Variants in DAB1 observed in about 807,000 individuals in gnomAD.
The protein encoded by DAB1 is DAB adaptor protein 1.
Under a neutral mutation model 64.6 loss-of-function variants are expected in DAB1, and 15 were observed. That is an observed-to-expected ratio of 0.23 (90% confidence interval 0.16 to 0.36). The LOEUF is 0.36. Among genes scored for constraint, DAB1 ranks in the 10% least tolerant of loss-of-function variants. DAB1 has a pLI of 1.00. For synonymous variants in DAB1, 235 were observed against 251.9 expected, an observed-to-expected ratio of 0.93 and a Z score of 0.64; for missense variants, 596 against 706.7, an observed-to-expected ratio of 0.84 and a Z score of 1.78.
intron 3 of DAB1, among the ~76,000 whole-genome samples, chr1:58,457,496 C>T (rs765407022): frequency 1.3e-5 from 2 of 152,214 alleles, no homozygotes; most frequent in Non-Finnish European, 2.9e-5. Flanking sequence ...ACTTACACAG[C>T]TCATGTTGTA....
intron 4 of DAB1, among the ~76,000 whole-genome samples, chr1:58,243,411 C>G (rs1469012890): frequency 1.3e-5 from 2 of 152,068 alleles, no homozygotes; most frequent in African/African-American, 4.8e-5. Context: ...TGATTTAAGT[C>G]CGCCTGCCCC....
chr1:57,282,798 G>A (rs1389442616), intron 2 of DAB1, among the ~76,000 whole-genome samples: 1 of 152,106 alleles, frequency 6.6e-6, no homozygotes, highest in African/African-American at 2.4e-5. Context: ...TAAATCCTTG[G>A]TTTTGAATTT....
intron 7 of DAB1, among the ~76,000 whole-genome samples, chr1:57,573,665 G>A (rs77920405): frequency 0.014 from 2,089 of 152,246 alleles, 26 homozygotes; most frequent in Non-Finnish European, 0.021. Context: ...GCAATGAAGG[G>A]CCCTAGTAAC....
chr1:57,631,739 G>A (rs892903703), intron 7 of DAB1, among the ~76,000 whole-genome samples: 5 of 152,150 alleles, frequency 3.3e-5, no homozygotes, highest in Admixed American at 1.3e-4. Context: ...TTACCTTGCC[G>A]CAGCACTGCA....
chr1:57,684,935 C>T (rs759651738), intron 6 of DAB1, among the ~76,000 whole-genome samples: 5 of 147,484 alleles, frequency 3.4e-5, no homozygotes, highest in Non-Finnish European at 7.4e-5. Context: ...AAAAAAACAG[C>T]AGGAGTTGCT....
chr1:57,071,030 A>C lies in DAB1; in HGVS notation c.590T>G (p.Val197Gly), dbSNP rs1371102631. The C allele has an allele frequency of 6.2e-7, 1 of 1,613,112 alleles. No individual in the cohort carries two copies. Among genetic ancestry groups the C allele is most frequent in the African/African-American group, 1.3e-5 (1 of 75,022 alleles). ...TILEEDVEDP[V>G]YQYIVFEAGH... ...ACTAGTTTCAGAAATTACCTGGTAC[A>C]CAGGATCTTCAACATCCTCTTCCAA... The change falls in exon 7 of 15, where the codon GTG becomes GGG. Residue 197 changes from valine (V) to glycine (G), a missense_variant. Physicochemically the swap from Val to Gly is moderately radical, Grantham distance 109. This residue lies in a region of DAB1 where 176 missense variants were observed against 266.7 expected (regional missense o/e 0.66). Transcript: ENST00000371236.
At chr1:57,975,449 C>T (rs1645896656) in intron 5 of DAB1, among the ~76,000 whole-genome samples, 2 of 152,132 alleles carry the variant, frequency 1.3e-5, no homozygotes, top group Admixed American at 6.5e-5. Context: ...CCAATTGAAG[C>T]AGGCAAAACA....
At chr1:58,401,438 A>C (rs1644567618) in intron 3 of DAB1, among the ~76,000 whole-genome samples, 1 of 151,684 alleles carries the variant, frequency 6.6e-6, no homozygotes, top group South Asian at 2.1e-4. Flanking sequence ...CCCACCCATC[A>C]CCTTCCTCAA....
chr1:57,819,573 G>A (rs1208857489), intron 6 of DAB1, among the ~76,000 whole-genome samples: 1 of 152,212 alleles, frequency 6.6e-6, no homozygotes, highest in African/African-American at 2.4e-5. Flanking sequence ...CAAGTTAAGA[G>A]AGAGCTTTCT....
chr1:57,185,760 TG>T (rs1028763997), intron 2 of DAB1, among the ~76,000 whole-genome samples: 26 of 152,268 alleles, frequency 1.7e-4, no homozygotes, highest in African/African-American at 6.0e-4. Context: ...TTTTTGTTTT[TG>T]GTCTTTTTTT....
At chr1:57,620,757 T>A (rs1645847329) in intron 7 of DAB1, among the ~76,000 whole-genome samples, 1 of 151,808 alleles carries the variant, frequency 6.6e-6, no homozygotes, top group Admixed American at 6.6e-5. Flanking sequence ...CAGGAGGAGG[T>A]AGGAGGAGGA....
chr1:57,426,389 C>G (rs1298922811), upstream of DAB1, among the ~76,000 whole-genome samples: 1 of 152,058 alleles, frequency 6.6e-6, no homozygotes, highest in Admixed American at 6.6e-5. Context: ...ATGTAGATAC[C>G]CACCAATGAT....
At chr1:58,363,809 C>T (rs1644189934) in intron 3 of DAB1, among the ~76,000 whole-genome samples, 1 of 152,220 alleles carries the variant, frequency 6.6e-6, no homozygotes, top group Non-Finnish European at 1.5e-5. Flanking sequence ...ATCCAGCTTC[C>T]TCTTGCCCTT....
intron 5 of DAB1, among the ~76,000 whole-genome samples, chr1:58,094,416 T>A (rs1436420791): frequency 6.6e-6 from 1 of 152,234 alleles, no homozygotes; most frequent in Non-Finnish European, 1.5e-5. Context: ...TCTTCCTTAC[T>A]TCCTCATTTG....
chr1:58,136,645 A>T (rs530496493), intron 5 of DAB1, among the ~76,000 whole-genome samples: 1 of 152,210 alleles, frequency 6.6e-6, no homozygotes, highest in South Asian at 2.1e-4. Flanking sequence ...GATGGCATTC[A>T]AACCTAATTG....
At chr1:58,428,762 C>T (rs568400956) in intron 3 of DAB1, among the ~76,000 whole-genome samples, 3 of 152,340 alleles carry the variant, frequency 2.0e-5, no homozygotes, top group Admixed American at 6.5e-5. Flanking sequence ...AGAGCATGTA[C>T]ATTTATAATA....
At chr1:57,435,022 A>G (rs1361117265) in intron 7 of DAB1, among the ~76,000 whole-genome samples, 1 of 130,444 alleles carries the variant, frequency 7.7e-6, no homozygotes, top group African/African-American at 2.9e-5. Context: ...TTTAAGCTTG[A>G]CTCTCTTTTT....
At chr1:58,175,868 C>T (rs1656443653) in intron 4 of DAB1, among the ~76,000 whole-genome samples, 1 of 152,158 alleles carries the variant, frequency 6.6e-6, no homozygotes, top group Admixed American at 6.5e-5. Flanking sequence ...GAGGCTTGAT[C>T]ACAGCCCACA....
At chr1:57,583,368 C>T (rs571520594) in intron 7 of DAB1, among the ~76,000 whole-genome samples, 3 of 151,314 alleles carry the variant, frequency 2.0e-5, no homozygotes, top group Non-Finnish European at 4.4e-5. Context: ...CTCACTGACA[C>T]CTCTGCCTCC....
Sources: allele counts gnomAD v4.1 joint callset (sites outside exome capture counted in the v4.1 genomes callset), GRCh38; gene constraint gnomAD v4.1.1; regional missense constraint gnomAD v4.1.1; transcripts MANE v1.5; gene names NCBI Gene and HGNC (gene_info 2026-07-23, HGNC 2026-07-21).